MDN1: variants seen among roughly 807,000 people sequenced by gnomAD.
MDN1 encodes midasin AAA ATPase 1.
A neutral mutation model predicts 669.2 loss-of-function variants in MDN1; 266 were observed. That is an observed-to-expected ratio of 0.40 (90% CI 0.36 to 0.44). MDN1 has a LOEUF of 0.44. Among genes scored for constraint, MDN1 ranks in the 20% least tolerant of loss-of-function variants. The probability of loss-of-function intolerance (pLI) is 1.00; values close to 1 mark genes in which losing one functional copy is unlikely to be tolerated. For synonymous variants in MDN1, 2,385 were observed against 2,457.1 expected, an observed-to-expected ratio of 0.97 and a Z score of 0.87; for missense variants, 5,940 against 6,754.0, an observed-to-expected ratio of 0.88 and a Z score of 4.22.
chr6:89,818,967 G>GT (rs1392520868), intron 1 of MDN1, among the ~76,000 whole-genome samples: 4 of 151,742 alleles, frequency 2.6e-5, no homozygotes, highest in South Asian at 2.1e-4. Flanking sequence ...TTCAGCTGTT[G>GT]TAAGTGTTTA....
At chr6:89,814,437 T>C (rs1383414417) in intron 1 of MDN1, among the ~76,000 whole-genome samples, 1 of 150,052 alleles carries the variant, frequency 6.7e-6, no homozygotes, top group Non-Finnish European at 1.5e-5. Context: ...TTGCCCAAGC[T>C]GGTCTCAAAC....
chr6:89,771,680 G>T, intron 14 of MDN1, 59 bp from the exon 15 acceptor site: 1 of 1,404,054 alleles, frequency 7.1e-7, no homozygotes, highest in Non-Finnish European at 1.0e-6. Flanking sequence ...ATAATATCCA[G>T]TGTGCTCCTT....
Position 89,650,820 on chromosome 6 carries a change from T to G in MDN1, c.15943A>C (p.Ser5315Arg). 6.2e-7 allele frequency: 1 copy of G among 1,614,118 alleles called. No homozygotes were observed. Among genetic ancestry groups the G allele is most frequent in the Non-Finnish European group, 8.5e-7 (1 of 1,179,974 alleles). ...AGAGGCGCTGTTAAGATCAGGTAAC[T>G]CTGCCACATCTCAGCTGCAACCTTC... ...EEKVAAEMWQSYLILTAPLSQ... is the reference protein window; with the variant it reads ...EEKVAAEMWQRYLILTAPLSQ... Residue 5315 changes from serine (S) to arginine (R), a missense_variant, in exon 96 of 102, where the codon AGT becomes CGT. By Grantham distance (110) the Ser-to-Arg change is moderately radical. Transcript: ENST00000369393.
chr6:89,805,086 G>A (rs1173716263), intron 1 of MDN1, among the ~76,000 whole-genome samples: 5 of 150,722 alleles, frequency 3.3e-5, no homozygotes, highest in African/African-American at 1.2e-4. Context: ...CAGAATGCAG[G>A]TAAGCATACA....
At chr6:89,736,476 C>T (rs556062962) in intron 33 of MDN1, among the ~76,000 whole-genome samples, 2 of 152,176 alleles carry the variant, frequency 1.3e-5, no homozygotes, top group Non-Finnish European at 2.9e-5. Flanking sequence ...AAAAGACAAA[C>T]CATGCTTGGT....
intron 5 of MDN1, among the ~76,000 whole-genome samples, chr6:89,791,415 T>C (rs1819262325): frequency 6.6e-6 from 1 of 152,182 alleles, no homozygotes; most frequent in Non-Finnish European, 1.5e-5. Context: ...CCTTTAGAGA[T>C]ATATACTGAA....
At chr6:89,698,818 C>G (rs765638663) in intron 59 of MDN1, 47 bp downstream of exon 59, 2 of 1,588,418 alleles carry the variant, frequency 1.3e-6, no homozygotes, top group East Asian at 4.5e-5. Flanking sequence ...CATTCAGAAA[C>G]TCTTTTGCCA....
At chr6:89,672,444 T>G in intron 81 of MDN1, 81 bp from the exon 82 acceptor site, 6 of 1,593,836 alleles carry the variant, frequency 3.8e-6, no homozygotes, top group Non-Finnish European at 5.1e-6. Context: ...TGCAGTTATC[T>G]GTTTCTAACA....
chr6:89,732,396 C>T (rs541719696), intron 34 of MDN1, among the ~76,000 whole-genome samples, 161 bp downstream of exon 34: 1 of 152,262 alleles, frequency 6.6e-6, no homozygotes, highest in South Asian at 2.1e-4. Flanking sequence ...GTGTGCCAAT[C>T]ACCTTTCAAA....
Position 89,716,639 on chromosome 6 carries a change from A to G in MDN1, c.6743+11T>C, listed in dbSNP as rs1814393662. The G allele has an allele frequency of 6.2e-7, 1 of 1,605,008 alleles. No individual in the cohort carries two copies. The highest frequency in any genetic ancestry group is 1.3e-5 in the African/African-American group (1 of 74,558). On this transcript the variant is annotated intron_variant, in intron 44 of 101. Coordinates refer to ENST00000369393, the MANE Select transcript of MDN1 (RefSeq NM_014611.3). The stretch of plus-strand genomic sequence containing the variant: ...TCAAGTTGGACCACTGATTAGGCAT[A>G]AGGTTCTTACTTGCAGAAGTTAACA...
rs1362154315 is a variant in MDN1 at position 89,678,653 on chromosome 6, G to A, written c.12358C>T (p.Leu4120Phe). The change falls in exon 75 of 102, where the codon CTC (leucine) becomes TTC (phenylalanine). Residue 4120 changes from leucine to phenylalanine, a missense_variant. By Grantham distance (22) the Leu-to-Phe change is conservative. This residue lies in a region of MDN1 where 2,280 missense variants were observed against 2,576.3 expected (regional missense o/e 0.88). Transcript: ENST00000369393. ...GACAAAGCTCGCTGTTTTTGCATGA[G>A]AATGTGCTTGGCTTCTGACCGCTGC... The part of the protein sequence containing the change: ...EKQRSEAKHI[L>F]MQKQRALSDL... 1.2e-6 allele frequency: 2 copies of A among 1,614,116 alleles called. No individual in the cohort carries two copies. The highest frequency in any genetic ancestry group is 1.7e-5 in the Admixed American group (1 of 60,010).
chr6:89,713,296 C>A lies in MDN1; in HGVS notation c.7070G>T (p.Gly2357Val). The change falls in exon 47 of 102, where the codon GGT becomes GTT. Residue 2357 changes from glycine (G) to valine (V), a missense_variant and splice_region_variant. Coordinates refer to ENST00000369393, the MANE Select transcript of MDN1 (RefSeq NM_014611.3). Reference protein sequence around the residue: ...LHTETRSTVVGSPTSSVSTLI... With the variant: ...LHTETRSTVVVSPTSSVSTLI... ...AGTTGATACAGAAGATGTTGGAGAA[C>A]CTATTAAAAAAAAATTGCCATCTAT... 6.2e-7 allele frequency: 1 copy of A among 1,601,290 alleles called. No homozygotes were observed. Among genetic ancestry groups the A allele is most frequent in the Non-Finnish European group, 8.5e-7 (1 of 1,175,860 alleles).
At chr6:89,792,674 ATTTT>A (rs72383790) in intron 5 of MDN1, among the ~76,000 whole-genome samples, 1 of 146,566 alleles carries the variant, frequency 6.8e-6, no homozygotes. Flanking sequence ...TTACATTTTA[ATTTT>A]TTTTTTTTTT....
intron 34 of MDN1, among the ~76,000 whole-genome samples, 191 bp from the exon 35 acceptor site, chr6:89,731,114 A>G (rs963247925): frequency 2.0e-5 from 3 of 152,238 alleles, no homozygotes; most frequent in Non-Finnish European, 4.4e-5. Context: ...TGGATTATCA[A>G]TTAAGCAGCA....
chr6:89,713,041 G>T, intron 47 of MDN1, 107 bp downstream of exon 47: 1 of 1,233,892 alleles, frequency 8.1e-7, no homozygotes, highest in Non-Finnish European at 1.1e-6. Context: ...AAACTGCAGT[G>T]GTCAACTCTC....
In MDN1 at chr6:89,650,860, CA is replaced by C; in HGVS notation, c.15916-14del. On this transcript the variant is annotated splice_polypyrimidine_tract_variant and intron_variant, in intron 95 of 101. Coordinates refer to ENST00000369393, the MANE Select transcript of MDN1 (RefSeq NM_014611.3). ...CTGCAACCTTCTCCTGTGACAACAA[CA>C]AAATGTAAGTTACCCTCAGAATGTC... 6.2e-7 allele frequency: 1 copy of C among 1,608,862 alleles called. No individual in the cohort carries two copies.
chr6:89,715,870 T>C, intron 44 of MDN1, 101 bp from the exon 45 acceptor site: 1 of 776,560 alleles, frequency 1.3e-6, no homozygotes, highest in Non-Finnish European at 2.3e-6. Flanking sequence ...TCACATTTCC[T>C]TTCGGCACAA....
At chr6:89,776,916 CT>C (rs901111044) in intron 11 of MDN1, among the ~76,000 whole-genome samples, 1 of 152,098 alleles carries the variant, frequency 6.6e-6, no homozygotes, top group Non-Finnish European at 1.5e-5. Context: ...TATTGAAATA[CT>C]TGCCAAATAA....
intron 1 of MDN1, among the ~76,000 whole-genome samples, chr6:89,809,295 TA>T (rs951129200): frequency 1.1e-4 from 17 of 151,872 alleles, no homozygotes; most frequent in Admixed American, 6.6e-4. Context: ...CATATATATT[TA>T]AAACTTTTTA....
Sources: gnomAD v4.1 joint callset for allele counts (sites outside exome capture counted in the v4.1 genomes callset) on GRCh38, gnomAD v4.1.1 for gene constraint, gnomAD v4.1.1 regional missense constraint, MANE v1.5 for transcripts, NCBI Gene and HGNC (gene_info 2026-07-23, HGNC 2026-07-21) for gene names.